Variants in PDE10A observed in about 807,000 individuals in gnomAD.
PDE10A encodes the protein phosphodiesterase 10A, also known as cAMP and cAMP-inhibited cGMP 3',5'-cyclic phosphodiesterase 10A.
In PDE10A, 39 loss-of-function variants were observed where a neutral mutation model predicts 97.7. The observed-to-expected ratio is 0.40, with a 90% CI of 0.31 to 0.52. PDE10A has a LOEUF of 0.52. Among genes scored for constraint, PDE10A ranks in the 20% least tolerant of loss-of-function variants. The probability of loss-of-function intolerance (pLI) is 0.56; values close to 1 mark genes in which losing one functional copy is unlikely to be tolerated. For missense variants in PDE10A, 731 were observed against 1,047.8 expected, an observed-to-expected ratio of 0.70 and a Z score of 4.17; for synonymous variants, 371 against 376.8, an observed-to-expected ratio of 0.98 and a Z score of 0.18.
chr6:165,856,248 T>C (rs1780728921), intron 1 of PDE10A, among the ~76,000 whole-genome samples: 1 of 152,192 alleles, frequency 6.6e-6, no homozygotes, highest in South Asian at 2.1e-4. Context: ...GGTATTTCTG[T>C]ACACAGCTGG....
intron 1 of PDE10A, among the ~76,000 whole-genome samples, chr6:165,756,273 T>G (rs1175683990): frequency 6.6e-6 from 1 of 152,196 alleles, no homozygotes; most frequent in Non-Finnish European, 1.5e-5. Context: ...TCCTATTAAT[T>G]TCCTATTTTA....
chr6:165,694,476 G>A (rs1791389928), intron 1 of PDE10A, among the ~76,000 whole-genome samples: 1 of 152,218 alleles, frequency 6.6e-6, no homozygotes, highest in Non-Finnish European at 1.5e-5. Flanking sequence ...TGCAGGGCTA[G>A]CGTTTGCATT....
chr6:165,433,686 A>T (rs1789765141), intron 6 of PDE10A, among the ~76,000 whole-genome samples: 1 of 152,170 alleles, frequency 6.6e-6, no homozygotes, highest in South Asian at 2.1e-4. Flanking sequence ...TGGTTCTTTG[A>T]TTTTAAAATT....
intron 1 of PDE10A, among the ~76,000 whole-genome samples, chr6:165,802,849 T>C (rs1392818102): frequency 6.6e-6 from 1 of 152,238 alleles, no homozygotes; most frequent in African/African-American, 2.4e-5. Flanking sequence ...TCATTCCTGA[T>C]CGCATGGTTT....
chr6:165,742,285 C>T (rs889357338), intron 1 of PDE10A, among the ~76,000 whole-genome samples: 18 of 152,160 alleles, frequency 1.2e-4, no homozygotes, highest in African/African-American at 7.2e-5. Context: ...GCAGCCCTAA[C>T]GCAATAGTTA....
chr6:165,451,177 C>T (rs1791265058), intron 3 of PDE10A, among the ~76,000 whole-genome samples: 1 of 152,146 alleles, frequency 6.6e-6, no homozygotes, highest in South Asian at 2.1e-4. Flanking sequence ...GCTTGCACTG[C>T]AGCCACTGTC....
intron 1 of PDE10A, among the ~76,000 whole-genome samples, chr6:165,837,090 C>T (rs983044467): frequency 9.3e-5 from 14 of 150,164 alleles, no homozygotes; most frequent in African/African-American, 3.4e-4. Context: ...GGGAGATATA[C>T]CTAATGCTAG....
intron 1 of PDE10A, among the ~76,000 whole-genome samples, chr6:165,688,540 T>C (rs754690058): frequency 6.6e-6 from 1 of 152,194 alleles, no homozygotes; most frequent in Non-Finnish European, 1.5e-5. Context: ...TGGGGCTTCA[T>C]GACATGGTGC....
chr6:165,550,647 G>T lies in PDE10A; in HGVS notation c.866-7079C>A, dbSNP rs539348485. ...AGTATAACAGGTTAAGATATTTTTG[G>T]TTTATTCATATCTTGTTTTGTTTTT... On this transcript the variant is annotated intron_variant, in intron 1 of 21. Coordinates refer to ENST00000539869, the MANE Select transcript of PDE10A (RefSeq NM_001385079.1). Among the ~76,000 whole-genome samples, 137 of 152,242 alleles carry T rather than the reference G, an allele frequency of 9.0e-4. 1 individual carries two copies. Among genetic ancestry groups the T allele is most frequent in the Admixed American group, 2.0e-3 (31 of 15,290 alleles).
At chr6:165,689,536 G>A (rs1297742709) in intron 1 of PDE10A, among the ~76,000 whole-genome samples, 1 of 152,152 alleles carries the variant, frequency 6.6e-6, no homozygotes, top group African/African-American at 2.4e-5. Flanking sequence ...CCCTGTGGTG[G>A]TAAGTGAGTT....
At chr6:165,686,230 A>G (rs1162041196) in intron 1 of PDE10A, among the ~76,000 whole-genome samples, 1 of 151,660 alleles carries the variant, frequency 6.6e-6, no homozygotes, top group African/African-American at 2.4e-5. Context: ...CTACACTCCA[A>G]AGTGTGGGTC....
At chr6:165,838,469 T>A (rs961473860) in intron 1 of PDE10A, among the ~76,000 whole-genome samples, 2 of 152,232 alleles carry the variant, frequency 1.3e-5, no homozygotes, top group African/African-American at 4.8e-5. Flanking sequence ...TGGTTTTTAG[T>A]ATATTTTCAA....
At chr6:165,954,459 G>GCTACCTACTT (rs1784068447) in intron 1 of PDE10A, among the ~76,000 whole-genome samples, 2 of 152,152 alleles carry the variant, frequency 1.3e-5, no homozygotes, top group Non-Finnish European at 2.9e-5. Flanking sequence ...CTACCTACGG[G>GCTACCTACTT]TAAGAAGCCC....
chr6:165,701,339 A>G (rs2128443690), intron 1 of PDE10A, among the ~76,000 whole-genome samples: 1 of 152,340 alleles, frequency 6.6e-6, no homozygotes, highest in East Asian at 1.9e-4. Flanking sequence ...CAAAAACCCA[A>G]TGACACAATT....
intron 1 of PDE10A, among the ~76,000 whole-genome samples, chr6:165,555,451 T>C (rs1471624692): frequency 6.6e-6 from 1 of 152,190 alleles, no homozygotes; most frequent in Non-Finnish European, 1.5e-5. Flanking sequence ...ACATACTAAG[T>C]GACTTGTGAC....
In PDE10A at chr6:165,612,946, T is replaced by C. The variant is rs572203481; in HGVS notation, c.865+49001A>G. 3.2e-4 allele frequency among the ~76,000 whole-genome samples: 48 copies of C among 152,294 alleles called. No individual in the cohort carries two copies. The South Asian group carries it at 1.0e-2, about 32-fold the overall frequency. On this transcript the variant is annotated intron_variant, in intron 1 of 21. Coordinates refer to ENST00000539869, the MANE Select transcript of PDE10A (RefSeq NM_001385079.1). The stretch of plus-strand genomic sequence containing the variant: ...AACTATTAGTGAGTCCTTTATTAAA[T>C]TTGCAGTCAGAAACAATGTTTATAG...
At chr6:165,658,021 A>G (rs973476182) in intron 1 of PDE10A, among the ~76,000 whole-genome samples, 2 of 152,160 alleles carry the variant, frequency 1.3e-5, no homozygotes, top group African/African-American at 4.8e-5. Context: ...TAGATACTCA[A>G]CAAGTATCTG....
chr6:165,423,901 T>G (rs1251413803), intron 10 of PDE10A, among the ~76,000 whole-genome samples: 1 of 151,968 alleles, frequency 6.6e-6, no homozygotes, highest in Non-Finnish European at 1.5e-5. Flanking sequence ...TAATAAATCT[T>G]CCGTATTATA....
chr6:165,538,500 T>A (rs574351074), intron 2 of PDE10A, among the ~76,000 whole-genome samples: 1 of 152,290 alleles, frequency 6.6e-6, no homozygotes, highest in African/African-American at 2.4e-5. Context: ...GAAATTAATG[T>A]TACAATTACA....
Sources: allele counts gnomAD v4.1 joint callset (sites outside exome capture counted in the v4.1 genomes callset), GRCh38; gene constraint gnomAD v4.1.1; transcripts MANE v1.5; gene names NCBI Gene and HGNC (gene_info 2026-07-23, HGNC 2026-07-21).